The following PDSS2 variants were observed in gnomAD, a reference collection of about 807,000 sequenced individuals.
PDSS2 encodes the protein decaprenyl diphosphate synthase subunit 2, also known as all trans-polyprenyl-diphosphate synthase PDSS2.
Under a neutral mutation model 44.5 loss-of-function variants are expected in PDSS2, and 31 were observed. The ratio of observed to expected loss-of-function variants is 0.70; its 90% confidence interval spans 0.52 to 0.94. The LOEUF is 0.94. Among genes scored for constraint, PDSS2 ranks in the 40% least tolerant of loss-of-function variants. The pLI is 0.00. For synonymous variants in PDSS2, 157 were observed against 180.3 expected, an observed-to-expected ratio of 0.87 and a Z score of 1.03; for missense variants, 452 against 482.2, an observed-to-expected ratio of 0.94 and a Z score of 0.59.
rs1781156647 is a variant in PDSS2 at position 107,430,342 on chromosome 6, A to T, written c.296+28648T>A. On this transcript the variant is annotated intron_variant, in intron 1 of 7. Coordinates refer to ENST00000369037, the MANE Select transcript of PDSS2 (RefSeq NM_020381.4). ...CGACAACACCCTGTCTCTACTAAAA[A>T]TACAAAAAGTAGCCAGGCGTGGTGG... Among the ~76,000 whole-genome samples, 3 of 152,080 alleles carry T rather than the reference A, an allele frequency of 2.0e-5. No individual in the cohort carries two copies. The South Asian group carries it at 6.3e-4, about 32-fold the overall frequency.
intron 4 of PDSS2, among the ~76,000 whole-genome samples, chr6:107,245,020 A>G (rs1305599978): frequency 6.6e-6 from 1 of 152,196 alleles, no homozygotes; most frequent in East Asian, 1.9e-4. Context: ...TTAATTCTAG[A>G]CCTATAAAAT....
chr6:107,315,701 AT>A (rs1777177935), intron 2 of PDSS2, among the ~76,000 whole-genome samples: 1 of 152,248 alleles, frequency 6.6e-6, no homozygotes, highest in Admixed American at 6.5e-5. Flanking sequence ...ATCTTGGGCA[AT>A]AATTGCTGTC....
intron 7 of PDSS2, among the ~76,000 whole-genome samples, chr6:107,174,183 G>C (rs1166874901): frequency 6.6e-6 from 1 of 152,192 alleles, no homozygotes; most frequent in Non-Finnish European, 1.5e-5. Context: ...GTCACCTAGG[G>C]AATGTTTAAC....
intron 1 of PDSS2, among the ~76,000 whole-genome samples, chr6:107,385,784 T>C (rs1160697162): frequency 6.6e-6 from 1 of 152,058 alleles, no homozygotes; most frequent in Non-Finnish European, 1.5e-5. Context: ...TCTGGATCTT[T>C]CCTCAAATCT....
chr6:107,322,068 C>T (rs576817760), intron 2 of PDSS2, among the ~76,000 whole-genome samples: 3 of 152,322 alleles, frequency 2.0e-5, no homozygotes, highest in East Asian at 3.9e-4. Flanking sequence ...TTGCACATAC[C>T]CTTTTCTTGA....
At chr6:107,187,595 C>T (rs1772214850) in intron 7 of PDSS2, among the ~76,000 whole-genome samples, 1 of 151,176 alleles carries the variant, frequency 6.6e-6, no homozygotes, top group Admixed American at 6.6e-5. Flanking sequence ...ACCCAGGAGG[C>T]AGAGGTTGCA....
chr6:107,193,809 A>G lies in PDSS2; in HGVS notation c.1041+13T>C, dbSNP rs762924455. ...ATGTGTAAAATAGTACAGTATGTATAAAATCTGCCTACCTTAGCATAGTCC... is the reference window on the plus strand; with the variant it reads ...ATGTGTAAAATAGTACAGTATGTATGAAATCTGCCTACCTTAGCATAGTCC... On this transcript the variant is annotated intron_variant, in intron 7 of 7. Transcript: ENST00000369037. The G allele has an allele frequency of 2.0e-6, 3 of 1,494,906 alleles. No homozygotes were observed. In the East Asian group the frequency reaches 6.8e-5, roughly 34 times the overall value. The allele number at this position is 1,494,906 out of a possible 1,614,324, so 92.6% of individuals were successfully genotyped here. A position where few individuals can be genotyped will look rare whatever the true frequency, so the allele number is the denominator to read the frequency against.
At chr6:107,212,386 C>A in intron 4 of PDSS2, 104 bp from the exon 5 acceptor site, 1 of 885,106 alleles carries the variant, frequency 1.1e-6, no homozygotes. Context: ...TTCAAAAACA[C>A]TCAGGCTATT....
intron 1 of PDSS2, among the ~76,000 whole-genome samples, chr6:107,401,479 G>C (rs373732718): frequency 6.6e-6 from 1 of 152,120 alleles, no homozygotes. Context: ...CCCCAGATGT[G>C]AAGGAATCAG....
chr6:107,223,084 G>T (rs1298059040), intron 4 of PDSS2, among the ~76,000 whole-genome samples: 1 of 151,492 alleles, frequency 6.6e-6, no homozygotes, highest in Non-Finnish European at 1.5e-5. Flanking sequence ...GAGTAGCTGG[G>T]ATTACAGGTG....
chr6:107,310,199 C>T (rs1036501288), intron 2 of PDSS2, among the ~76,000 whole-genome samples: 3 of 149,002 alleles, frequency 2.0e-5, no homozygotes, highest in African/African-American at 5.0e-5. Flanking sequence ...GCAGGAGAAT[C>T]ACTTGAACCT....
chr6:107,317,148 G>A (rs1012288168), intron 2 of PDSS2, among the ~76,000 whole-genome samples: 3 of 152,090 alleles, frequency 2.0e-5, no homozygotes, highest in Non-Finnish European at 4.4e-5. Flanking sequence ...TCTCCTCCAC[G>A]GCACCTCGCA....
At chr6:107,330,054 C>T (rs749028935) in intron 2 of PDSS2, among the ~76,000 whole-genome samples, 1 of 150,364 alleles carries the variant, frequency 6.7e-6, no homozygotes, top group Non-Finnish European at 1.5e-5. Context: ...AACAGATAAA[C>T]CCTAAAATTT....
intron 7 of PDSS2, among the ~76,000 whole-genome samples, chr6:107,177,195 A>G (rs9486550): frequency 0.071 from 10,330 of 145,952 alleles, 1,204 homozygotes; most frequent in African/African-American, 0.25. Context: ...CAGTGTTGCA[A>G]TCTTGGCTCA....
intron 2 of PDSS2, among the ~76,000 whole-genome samples, chr6:107,304,713 A>AT (rs1178637122): frequency 6.6e-6 from 1 of 152,226 alleles, no homozygotes; most frequent in African/African-American, 2.4e-5. Flanking sequence ...CCTATTACTG[A>AT]TTTTAAACCA....
intron 4 of PDSS2, among the ~76,000 whole-genome samples, chr6:107,212,603 A>G (rs1041509590): frequency 1.3e-5 from 2 of 152,236 alleles, no homozygotes; most frequent in Non-Finnish European, 2.9e-5. Flanking sequence ...TCTATAGTCA[A>G]TATCAGTTCT....
chr6:107,288,750 A>ATT (rs1776240167), intron 2 of PDSS2, among the ~76,000 whole-genome samples: 5 of 126,560 alleles, frequency 4.0e-5, no homozygotes, highest in South Asian at 2.6e-4. Flanking sequence ...CCGGGACGAA[A>ATT]TTGTTTTTTT....
At chr6:107,209,850 G>C (rs1773135887) in intron 6 of PDSS2, among the ~76,000 whole-genome samples, 1 of 152,008 alleles carries the variant, frequency 6.6e-6, no homozygotes, top group African/African-American at 2.4e-5. Context: ...TGGCTAAAAA[G>C]GCAAGAAGTT....
chr6:107,167,232 T>TAA (rs1562346874), intron 7 of PDSS2, among the ~76,000 whole-genome samples: 5,800 of 151,996 alleles, frequency 0.038, 361 homozygotes, highest in African/African-American at 0.13. Flanking sequence ...CAGGAATTTA[T>TAA]GCATTTCTTC....
Sources: gnomAD v4.1 joint callset for allele counts (sites outside exome capture counted in the v4.1 genomes callset) on GRCh38, gnomAD v4.1.1 for gene constraint, MANE v1.5 for transcripts, NCBI Gene and HGNC (gene_info 2026-07-23, HGNC 2026-07-21) for gene names.